Variants in PARN observed in about 807,000 individuals in gnomAD.
PARN encodes poly(A)-specific ribonuclease.
Under a neutral mutation model 102.8 loss-of-function variants are expected in PARN, and 71 were observed. That is an observed-to-expected ratio of 0.69 (90% CI 0.57 to 0.84). The LOEUF (loss-of-function observed/expected upper bound fraction) is 0.84. Ranked by LOEUF, PARN falls within the 40% of genes least tolerant of loss-of-function variation. The pLI is 0.00. For synonymous variants in PARN, 261 were observed against 252.9 expected (o/e 1.03, Z -0.30); for missense variants, 782 against 760.9 (o/e 1.03, Z -0.33).
intron 18 of PARN, among the ~76,000 whole-genome samples, chr16:14,562,825 T>A (rs1355376772): frequency 6.6e-6 from 1 of 152,116 alleles, no homozygotes; most frequent in African/African-American, 2.4e-5. Flanking sequence ...CCTCTAACAT[T>A]AGCAAAATCC....
intron 22 of PARN, among the ~76,000 whole-genome samples, chr16:14,477,492 T>C (rs145375737): frequency 6.8e-6 from 1 of 147,912 alleles, no homozygotes; most frequent in Non-Finnish European, 1.5e-5. Context: ...GACTGAAAAT[T>C]ACAGGCTGGG....
At chr16:14,625,077 T>A (rs1001269228) in intron 5 of PARN, among the ~76,000 whole-genome samples, 10 of 152,034 alleles carry the variant, frequency 6.6e-5, no homozygotes, top group Non-Finnish European at 1.3e-4. Context: ...TTTTGTTTGA[T>A]TAACCCCTGG....
At chr16:14,505,240 C>G (rs575326469) in intron 21 of PARN, among the ~76,000 whole-genome samples, 67 of 152,324 alleles carry the variant, frequency 4.4e-4, no homozygotes, top group Non-Finnish European at 8.1e-4. Context: ...GAATAGGACA[C>G]TAAAGCCAGA....
At chr16:14,508,919 T>TAA (rs1965047161) in intron 21 of PARN, among the ~76,000 whole-genome samples, 1 of 150,672 alleles carries the variant, frequency 6.6e-6, no homozygotes. Context: ...TATATATATA[T>TAA]AATTCAAAGT....
chr16:14,583,815 GT>G (rs1488447003), intron 16 of PARN, among the ~76,000 whole-genome samples: 1 of 152,124 alleles, frequency 6.6e-6, no homozygotes, highest in African/African-American at 2.4e-5. Context: ...TACCTTGGTG[GT>G]GGCCCGAGGT....
chr16:14,447,017 C>T lies in PARN; in HGVS notation c.1735G>A (p.Glu579Lys), dbSNP rs1961232015. 6.2e-7 allele frequency: 1 copy of T among 1,613,740 alleles called. No individual in the cohort carries two copies. Among genetic ancestry groups the T allele is most frequent in the South Asian group, 1.1e-5 (1 of 91,084 alleles). Residue 579 changes from glutamate (E) to lysine (K), a missense_variant, in exon 23 of 24, where the codon GAG (glutamate) becomes AAG (lysine). By Grantham distance (56) the Glu-to-Lys change is moderately conservative. Transcript: ENST00000437198. ...LSPSQEEAGL[E>K]DGVSGEISDT... The stretch of plus-strand genomic sequence containing the variant: ...GAAATCTCCCCTGACACTCCGTCCT[C>T]CAGGCCAGCTTCCTCTTGACTAGGA...
chr16:14,535,861 G>C (rs1322601745), intron 21 of PARN, among the ~76,000 whole-genome samples: 1 of 152,100 alleles, frequency 6.6e-6, no homozygotes, highest in Non-Finnish European at 1.5e-5. Context: ...ACCATCTCCA[G>C]CTTCAGGCAT....
At chr16:14,619,849 A>C (rs1002741966) in intron 5 of PARN, among the ~76,000 whole-genome samples, 1 of 151,830 alleles carries the variant, frequency 6.6e-6, no homozygotes, top group Non-Finnish European at 1.5e-5. Context: ...AGGCAGGCGG[A>C]TCAAGAGGTC....
intron 22 of PARN, among the ~76,000 whole-genome samples, chr16:14,468,869 C>T (rs1596465279): frequency 1.6e-5 from 2 of 123,734 alleles, no homozygotes; most frequent in African/African-American, 6.5e-5. Flanking sequence ...CAGCAAGATC[C>T]CATTACTAAA....
intron 5 of PARN, among the ~76,000 whole-genome samples, chr16:14,619,668 G>C (rs1242613179): frequency 6.6e-6 from 1 of 151,926 alleles, no homozygotes; most frequent in East Asian, 1.9e-4. Context: ...GGCTGAGGTG[G>C]GAGAATCAGA....
rs190289208 is a variant in PARN, at chr16:14,596,375, T to A, written c.841-2997A>T. On this transcript the variant is annotated intron_variant, in intron 12 of 23. Transcript: ENST00000437198. The stretch of plus-strand genomic sequence containing the variant: ...AAAATCCTAGATAATAATCTAGTAT[T>A]ATTATTAATACTAATAATTAAAAAA... Among the ~76,000 whole-genome samples the A allele has an allele frequency of 5.9e-5, 9 of 152,110 alleles. No homozygotes were observed. In the East Asian group the frequency reaches 1.7e-3, roughly 29 times the overall value.
chr16:14,573,651 T>A (rs1293571389), intron 18 of PARN, among the ~76,000 whole-genome samples: 1 of 152,202 alleles, frequency 6.6e-6, no homozygotes, highest in Non-Finnish European at 1.5e-5. Flanking sequence ...TCCTACATGT[T>A]GTGGGAGGAA....
intron 21 of PARN, among the ~76,000 whole-genome samples, chr16:14,496,516 G>C (rs969144704): frequency 6.6e-6 from 1 of 152,168 alleles, no homozygotes; most frequent in Non-Finnish European, 1.5e-5. Context: ...TAACAGTCTT[G>C]AGGAAGTTGA....
chr16:14,469,886 G>GT (rs1962614438), intron 22 of PARN, among the ~76,000 whole-genome samples: 1 of 152,130 alleles, frequency 6.6e-6, no homozygotes, highest in Non-Finnish European at 1.5e-5. Flanking sequence ...TTGCATTTAG[G>GT]TAACAGACAT....
At chr16:14,443,927 C>T (rs1416303626) in intron 23 of PARN, among the ~76,000 whole-genome samples, 2 of 152,238 alleles carry the variant, frequency 1.3e-5, no homozygotes, top group East Asian at 3.9e-4. Flanking sequence ...TTTGTCGCGC[C>T]GTGCCTAGCA....
intron 21 of PARN, among the ~76,000 whole-genome samples, chr16:14,541,588 G>A (rs189189651): frequency 6.6e-6 from 1 of 151,944 alleles, no homozygotes; most frequent in East Asian, 1.9e-4. Context: ...TGATTCTCCT[G>A]CCTTAGCCAC....
intron 23 of PARN, among the ~76,000 whole-genome samples, chr16:14,446,569 T>A (rs1167809767): frequency 6.6e-6 from 1 of 152,162 alleles, no homozygotes; most frequent in Non-Finnish European, 1.5e-5. Flanking sequence ...TCTGCGCACA[T>A]TTAAATGCAC....
In PARN at chr16:14,554,101, T is replaced by C; in HGVS notation, c.1369A>G (p.Lys457Glu). 2 of 1,613,464 alleles carry C rather than the reference T, an allele frequency of 1.2e-6. No homozygotes were observed. Among genetic ancestry groups the C allele is most frequent in the Non-Finnish European group, 1.7e-6 (2 of 1,179,668 alleles). ...AAAAGCTGGTAAAGGTCGCTGGTTT[T>C]CCATTCTTTGGGGAATGTCACATGG... is the stretch of plus-strand genomic sequence containing the variant. Reference protein sequence around the residue: ...VLHVTFPKEWKTSDLYQLFSA... With the variant: ...VLHVTFPKEWETSDLYQLFSA... Residue 457 changes from lysine to glutamate, a missense_variant, in exon 20 of 24, where the codon AAA (lysine) becomes GAA (glutamate). Lys to Glu is a moderately conservative substitution (Grantham distance 56). Coordinates refer to ENST00000437198, the MANE Select transcript of PARN (RefSeq NM_002582.4).
At chr16:14,519,701 T>C (rs939342413) in intron 21 of PARN, among the ~76,000 whole-genome samples, 2 of 152,302 alleles carry the variant, frequency 1.3e-5, no homozygotes, top group East Asian at 1.9e-4. Flanking sequence ...ATTATGTCCA[T>C]AAGTCCATGA....
Sources: gnomAD v4.1 joint callset for allele counts (sites outside exome capture counted in the v4.1 genomes callset) on GRCh38, gnomAD v4.1.1 for gene constraint, MANE v1.5 for transcripts, NCBI Gene and HGNC (gene_info 2026-07-23, HGNC 2026-07-21) for gene names.